RBFOX1: variants seen among roughly 807,000 people sequenced by gnomAD.
RBFOX1 encodes RNA binding protein fox-1 homolog 1.
Under a neutral mutation model 57.7 loss-of-function variants are expected in RBFOX1, and 8 were observed. The observed-to-expected ratio is 0.14, with a 90% CI of 0.08 to 0.25. The LOEUF is 0.25. Ranked by LOEUF, RBFOX1 falls within the 10% of genes least tolerant of loss-of-function variation. The pLI is 1.00. For synonymous variants in RBFOX1, 326 were observed against 222.4 expected (o/e 1.47, Z -4.15); for missense variants, 611 against 548.5 (o/e 1.11, Z -1.14).
At chr16:6,506,199 T>C (rs28505943) in intron 2 of RBFOX1, among the ~76,000 whole-genome samples, 13,778 of 152,056 alleles carry the variant, frequency 0.091, 722 homozygotes, top group Middle Eastern at 0.13. Context: ...GCAGGTCATG[T>C]AGATGCCCCA....
chr16:7,385,650 A>G (rs1311809508), intron 4 of RBFOX1, among the ~76,000 whole-genome samples: 1 of 152,104 alleles, frequency 6.6e-6, no homozygotes, highest in Non-Finnish European at 1.5e-5. Context: ...CAAAACCTGT[A>G]CCTGGTTTTG....
chr16:6,182,472 T>C (rs2097071303), intron 1 of RBFOX1, among the ~76,000 whole-genome samples: 1 of 152,194 alleles, frequency 6.6e-6, no homozygotes, highest in Non-Finnish European at 1.5e-5. Flanking sequence ...ATGCATTTGT[T>C]TTTTATTGTG....
At chr16:6,220,956 C>G (rs1259117818) in intron 1 of RBFOX1, among the ~76,000 whole-genome samples, 2 of 151,270 alleles carry the variant, frequency 1.3e-5, no homozygotes, top group Non-Finnish European at 1.5e-5. Context: ...ATACTTCACT[C>G]TGTGTGTGTG....
At chr16:6,954,623 CA>C (rs1204872261) in intron 3 of RBFOX1, among the ~76,000 whole-genome samples, 4 of 151,928 alleles carry the variant, frequency 2.6e-5, no homozygotes, top group African/African-American at 9.7e-5. Flanking sequence ...GAAACTGAGG[CA>C]AAAAGAGGCA....
At chr16:7,552,930 G>A (rs962797081) in intron 5 of RBFOX1, among the ~76,000 whole-genome samples, 1 of 152,066 alleles carries the variant, frequency 6.6e-6, no homozygotes, top group Non-Finnish European at 1.5e-5. Context: ...TGATCTGCCC[G>A]CCTCGGACTC....
At position 5,749,366 on chromosome 16, in the gene RBFOX1, G is replaced by A. The variant is rs1272614234; in HGVS notation, c.319-117937G>A. Among the ~76,000 whole-genome samples the A allele has an allele frequency of 2.6e-5, 4 of 152,252 alleles. No individual in the cohort carries two copies. The East Asian group carries it at 7.7e-4, about 29-fold the overall frequency. ...GTCTTGGAGTTGCTCTTCTCGAGGA[G>A]TATCTTTGTGGCATTCTCTGTATTT... On this transcript the variant is annotated intron_variant, in intron 3 of 19. Transcript: ENST00000641259.
intron 1 of RBFOX1, among the ~76,000 whole-genome samples, chr16:6,175,719 T>C (rs2097001047): frequency 1.3e-5 from 2 of 152,166 alleles, no homozygotes; most frequent in Admixed American, 6.5e-5. Context: ...TTCTAAGTGG[T>C]TCCCCATTGG....
At chr16:6,440,017 A>G (rs2094343200) in intron 2 of RBFOX1, among the ~76,000 whole-genome samples, 1 of 97,016 alleles carries the variant, frequency 1.0e-5, no homozygotes, top group African/African-American at 4.3e-5. Flanking sequence ...GCTCACTGCA[A>G]CTTCCTTCTC....
chr16:5,748,633 C>T (rs2053075219), intron 3 of RBFOX1, among the ~76,000 whole-genome samples: 1 of 152,190 alleles, frequency 6.6e-6, no homozygotes. Context: ...TAATGGCCTT[C>T]TTTGTCTCTT....
intron 2 of RBFOX1, among the ~76,000 whole-genome samples, chr16:6,478,566 T>G (rs1488265108): frequency 6.6e-6 from 1 of 151,020 alleles, no homozygotes; most frequent in East Asian, 1.9e-4. Flanking sequence ...TGTCCCAGCT[T>G]TAAAAGTGTC....
intron 5 of RBFOX1, among the ~76,000 whole-genome samples, chr16:7,553,610 C>T (rs144104673): frequency 1.2e-4 from 19 of 152,292 alleles, no homozygotes; most frequent in African/African-American, 4.1e-4. Context: ...TGAAGATCTG[C>T]AAGTGGCCAG....
At chr16:5,730,003 G>C (rs2052304573) in intron 3 of RBFOX1, among the ~76,000 whole-genome samples, 2 of 152,182 alleles carry the variant, frequency 1.3e-5, no homozygotes, top group South Asian at 2.1e-4. Flanking sequence ...TGCCCGCAAA[G>C]GGGGTGCCTC....
intron 3 of RBFOX1, among the ~76,000 whole-genome samples, chr16:7,010,252 G>C (rs566814670): frequency 6.6e-6 from 1 of 152,186 alleles, no homozygotes. Context: ...AGAGCTAAAT[G>C]GCAAATTCTC....
intron 1 of RBFOX1, among the ~76,000 whole-genome samples, chr16:6,263,992 T>A (rs974088782): frequency 2.6e-5 from 4 of 152,182 alleles, no homozygotes; most frequent in African/African-American, 7.2e-5. Context: ...CATTTTTTTT[T>A]AAGGATTTAC....
At chr16:5,807,618 G>A (rs1235075433) in intron 3 of RBFOX1, among the ~76,000 whole-genome samples, 6 of 152,164 alleles carry the variant, frequency 3.9e-5, no homozygotes, top group African/African-American at 1.4e-4. Flanking sequence ...GATGAATGTA[G>A]TCAGGGAGGG....
At chr16:7,100,367 C>T (rs989859115) in intron 4 of RBFOX1, among the ~76,000 whole-genome samples, 1 of 149,708 alleles carries the variant, frequency 6.7e-6, no homozygotes, top group East Asian at 1.9e-4. Context: ...GAATCTGACT[C>T]CCCCCAGCCT....
At chr16:6,891,701 T>C (rs1439857866) in intron 3 of RBFOX1, among the ~76,000 whole-genome samples, 1 of 152,186 alleles carries the variant, frequency 6.6e-6, no homozygotes, top group African/African-American at 2.4e-5. Context: ...TACTTAACAT[T>C]TACTTTTATT....
At chr16:6,412,218 C>T (rs546791946) in intron 2 of RBFOX1, among the ~76,000 whole-genome samples, 12 of 151,272 alleles carry the variant, frequency 7.9e-5, no homozygotes, top group South Asian at 2.1e-4. Flanking sequence ...CCATATTATA[C>T]GAGTTAGAAA....
At chr16:5,426,136 T>A (rs1423065916) in intron 1 of RBFOX1, among the ~76,000 whole-genome samples, 4 of 152,120 alleles carry the variant, frequency 2.6e-5, no homozygotes, top group Non-Finnish European at 1.5e-5. Context: ...TTCCCTAAAG[T>A]GAGTCCATTC....
Sources: allele counts gnomAD v4.1 joint callset (sites outside exome capture counted in the v4.1 genomes callset), GRCh38; gene constraint gnomAD v4.1.1; transcripts MANE v1.5; gene names NCBI Gene and HGNC (gene_info 2026-07-23, HGNC 2026-07-21).